DMBT1: variants seen among roughly 807,000 people sequenced by gnomAD.
DMBT1 encodes the protein deleted in malignant brain tumors 1.
DMBT1 carries 198 observed loss-of-function variants against 252.9 expected under a neutral mutation model. The observed-to-expected ratio is 0.78, with a 90% CI of 0.70 to 0.88. The LOEUF (loss-of-function observed/expected upper bound fraction) is 0.88, where lower values mean the gene tolerates loss of function less well. Among genes scored for constraint, DMBT1 ranks in the 40% least tolerant of loss-of-function variants. The pLI is 0.00. For missense variants in DMBT1, 2,432 were observed against 2,404.7 expected (o/e 1.01, Z -0.24); for synonymous variants, 990 against 942.7 (o/e 1.05, Z -0.92).
At position 122,639,718 on chromosome 10, in the gene DMBT1, A is replaced by G. The variant is rs560387687; in HGVS notation, c.6943-322A>G. On this transcript the variant is annotated intron_variant, in intron 54 of 55. Coordinates refer to ENST00000338354, the MANE Select transcript of DMBT1 (RefSeq NM_001377530.1). ...GGTTTAAGTCATACGGTTTATTGTG[A>G]CAACTGTTGGCACTGAAATATAAAG... Among the ~76,000 whole-genome samples the G allele has an allele frequency of 3.3e-5, 5 of 152,332 alleles. No individual in the cohort carries two copies. The South Asian group carries it at 8.3e-4, about 25-fold the overall frequency.
Position 122,588,810 on chromosome 10 carries a change from G to A in DMBT1, c.1784-134G>A, listed in dbSNP as rs1312924881. On this transcript the variant is annotated intron_variant, in intron 16 of 55. Transcript: ENST00000338354. ...CTACTGTGATGAAGCTGAACCTCTG[G>A]TTGCAGTCATCTTTAATCGTGACTG... 3.4e-6 allele frequency: 5 copies of A among 1,454,852 alleles called. 1 individual carries two copies. The highest frequency in any genetic ancestry group is 4.7e-6 in the Non-Finnish European group (5 of 1,066,338). 90.1% of individuals were successfully genotyped at this position (1,454,852 alleles called of 1,614,324 possible). A position where few individuals can be genotyped will look rare whatever the true frequency, so the allele number is the denominator to read the frequency against.
chr10:122,588,189 G>C (rs114503837), intron 16 of DMBT1, among the ~76,000 whole-genome samples: 8 of 148,372 alleles, frequency 5.4e-5, no homozygotes, highest in Admixed American at 4.0e-4. Context: ...ACCCCCACTA[G>C]GGCTCACTCT....
Position 122,617,254 on chromosome 10 carries a change from A to G in DMBT1, c.4885A>G (p.Thr1629Ala), listed in dbSNP as rs746807256. Residue 1629 changes from threonine (T) to alanine (A), a missense_variant, in exon 40 of 56, where the codon ACA (threonine) becomes GCA (alanine). Around this residue, in one of 3 missense-constraint regions of DMBT1, gnomAD observed 1,162 missense variants for 1,169.0 expected, o/e 0.99. Transcript: ENST00000338354. Reference sequence around the variant, plus strand: ...CACTTGGCCAACCTCTCGTGCATCAACAGCAGGTAAACAATCCTCTCACCC... The same window carrying G: ...CACTTGGCCAACCTCTCGTGCATCAGCAGCAGGTAAACAATCCTCTCACCC... Reference protein sequence around the residue: ...PDTWPTSRASTAGSESTLALR... With the variant: ...PDTWPTSRASAAGSESTLALR... 12 of 1,609,712 alleles carry G rather than the reference A, an allele frequency of 7.5e-6. No homozygotes were observed. Among genetic ancestry groups the G allele is most frequent in the Middle Eastern group, 1.7e-4 (1 of 6,046 alleles).
intron 16 of DMBT1, among the ~76,000 whole-genome samples, chr10:122,587,899 G>A (rs1260513903): frequency 6.7e-6 from 1 of 148,324 alleles, no homozygotes; most frequent in African/African-American, 2.4e-5. Flanking sequence ...CTGAGAAGAG[G>A]ATATCCCACA....
chr10:122,630,227 T>C, intron 47 of DMBT1, 61 bp from the exon 48 acceptor site: 1 of 1,544,374 alleles, frequency 6.5e-7, no homozygotes, highest in Non-Finnish European at 8.9e-7. Context: ...TGCAAACTAT[T>C]TATAAAATGG....
Position 122,589,009 on chromosome 10 carries a change from G to T in DMBT1, c.1849G>T (p.Val617Phe), listed in dbSNP as rs1369964435. Residue 617 changes from valine to phenylalanine, a missense_variant, in exon 17 of 56, where the codon GTC (valine) becomes TTC (phenylalanine). Physicochemically the swap from Val to Phe is conservative, Grantham distance 50. Around this residue, in one of 3 missense-constraint regions of DMBT1, gnomAD observed 1,264 missense variants for 1,082.2 expected, o/e 1.17. Transcript: ENST00000338354. ...TGACAGGTGTCAGGGCCGAGTGGAG[G>T]TCCTATACCGAGGCTCTTGGGGCAC... is the stretch of plus-strand genomic sequence containing the variant. ...GGDRCQGRVEVLYRGSWGTVC... is the reference protein window; with the variant it reads ...GGDRCQGRVEFLYRGSWGTVC... The T allele has an allele frequency of 6.3e-7, 1 of 1,588,676 alleles. No individual in the cohort carries two copies. The highest frequency in any genetic ancestry group is 1.2e-5 in the South Asian group (1 of 86,928).
intron 2 of DMBT1, 82 bp downstream of exon 2, chr10:122,566,078 C>A: frequency 1.4e-6 from 2 of 1,437,636 alleles, no homozygotes; most frequent in Non-Finnish European, 2.0e-6. Flanking sequence ...AGGCTGAGCA[C>A]AGCTGAGGTC....
At chr10:122,570,285 G>A (rs3740223) in intron 3 of DMBT1, 76 bp downstream of exon 3, 803,607 of 1,203,496 alleles carry the variant, frequency 0.67, 270,401 homozygotes, top group Admixed American at 0.81. Context: ...ATCCAGAAGA[G>A]ATGCAGAAGC....
In DMBT1 at chr10:122,592,477, C is replaced by T. The variant is rs760913862; in HGVS notation, c.2382C>T (p.Pro794=). Residue 794 remains proline (P), a synonymous_variant, in exon 20 of 56, where the codon CCC becomes CCT. Coordinates refer to ENST00000338354, the MANE Select transcript of DMBT1 (RefSeq NM_001377530.1). ...CCCGGTTTGGCCAGGGCTCAGGACC[C>T]ATTGTTCTGGATGATGTGCGCTGCT... The part of the protein sequence containing the change: ...GNARFGQGSG[P]IVLDDVRCSG... The T allele has an allele frequency of 6.3e-5, 100 of 1,587,970 alleles. 14 individuals carry two copies. Among genetic ancestry groups the T allele is most frequent in the Non-Finnish European group, 5.6e-5 (65 of 1,165,630 alleles).
chr10:122,628,361 C>A (rs190633405), intron 46 of DMBT1, among the ~76,000 whole-genome samples: 1 of 152,104 alleles, frequency 6.6e-6, no homozygotes, highest in East Asian at 1.9e-4. Flanking sequence ...AGTGGCCGGG[C>A]GCGGTGGCTC....
At position 122,586,142 on chromosome 10, in the gene DMBT1, C is replaced by T. The variant is rs147522772; in HGVS notation, c.1542C>T (p.Ser514=). 217 of 1,589,116 alleles carry T rather than the reference C, an allele frequency of 1.4e-4. 22 individuals carry two copies. The highest frequency in any genetic ancestry group is 1.7e-4 in the Middle Eastern group (1 of 5,984). Reference sequence around the variant, plus strand: ...GAGTGGAGGTCCTATACCGAGGCTCCTGGGGCACCGTGTGTGATGACAGCT... The same window carrying T: ...GAGTGGAGGTCCTATACCGAGGCTCTTGGGGCACCGTGTGTGATGACAGCT... ...QGRVEVLYRG[S]WGTVCDDSWD... The change falls in exon 16 of 56, where the codon TCC becomes TCT. Residue 514 remains serine, a synonymous_variant. Transcript: ENST00000338354.
intron 40 of DMBT1, among the ~76,000 whole-genome samples, chr10:122,617,529 A>C (rs962652969): frequency 2.0e-5 from 3 of 151,510 alleles, no homozygotes; most frequent in African/African-American, 7.3e-5. Flanking sequence ...AAGGCTCCCT[A>C]ATCCTGCTGG....
In DMBT1 at chr10:122,600,982, AATTT is replaced by A. The variant is rs757659074; in HGVS notation, c.3311-7_3311-4del. ...CTAATTCTGTCTTTTCCTTTGTTGC[AATTT>A]ACAGACACTTGGCCAACCTCACATG... is the stretch of plus-strand genomic sequence containing the variant. On this transcript the variant is annotated splice_region_variant and splice_polypyrimidine_tract_variant and intron_variant, in intron 27 of 55. Coordinates refer to ENST00000338354, the MANE Select transcript of DMBT1 (RefSeq NM_001377530.1). 2 of 867,200 alleles carry A rather than the reference AATTT, an allele frequency of 2.3e-6. No individual in the cohort carries two copies. Among genetic ancestry groups the A allele is most frequent in the Non-Finnish European group, 1.9e-6 (1 of 522,958 alleles). 53.7% of individuals were successfully genotyped at this position (867,200 alleles called of 1,614,324 possible).
At chr10:122,634,400 C>CTTTCT (rs1289740443) in intron 52 of DMBT1, among the ~76,000 whole-genome samples, 979 of 84,516 alleles carry the variant, frequency 0.012, 26 homozygotes, top group Middle Eastern at 0.045. Context: ...TTCTTTCTTT[C>CTTTCT]TTTTCTTTCT....
Position 122,630,954 on chromosome 10 carries a change from C to G in DMBT1, c.6026-7C>G. The G allele has an allele frequency of 6.3e-7, 1 of 1,588,562 alleles. No homozygotes were observed. The highest frequency in any genetic ancestry group is 8.6e-7 in the Non-Finnish European group (1 of 1,163,106). On this transcript the variant is annotated splice_polypyrimidine_tract_variant and splice_region_variant and intron_variant, in intron 48 of 55. Coordinates refer to ENST00000338354, the MANE Select transcript of DMBT1 (RefSeq NM_001377530.1). ...GGCCATGATCTCTCAGTTAATGTGTCTTTCAGATGCCACCTTGAGGTTGGT... is the reference window on the plus strand; with the variant it reads ...GGCCATGATCTCTCAGTTAATGTGTGTTTCAGATGCCACCTTGAGGTTGGT...
intron 49 of DMBT1, 99 bp downstream of exon 49, chr10:122,631,380 G>A: frequency 2.1e-6 from 3 of 1,459,984 alleles, no homozygotes; most frequent in Middle Eastern, 1.9e-4. Context: ...CCAGGCAGGA[G>A]CTGGTCATTG....
In DMBT1 at chr10:122,631,857, A is replaced by G; in HGVS notation, c.6349A>G (p.Asn2117Asp). 1 of 1,613,834 alleles carries G rather than the reference A, an allele frequency of 6.2e-7. No homozygotes were observed. Among genetic ancestry groups the G allele is most frequent in the Non-Finnish European group, 8.5e-7 (1 of 1,179,820 alleles). ...CTTTTTTTCTATTCCTTTTTCAGGA[A>G]ACCATCTATCGACACCTGGTAAGTC... ...REDAGVICSGNHLSTPAPFLN... is the reference protein window; with the variant it reads ...REDAGVICSGDHLSTPAPFLN... Residue 2117 changes from asparagine (N) to aspartate (D), a missense_variant and splice_region_variant, in exon 50 of 56, where the codon AAC (asparagine) becomes GAC (aspartate). Coordinates refer to ENST00000338354, the MANE Select transcript of DMBT1 (RefSeq NM_001377530.1).
intron 20 of DMBT1, 36 bp downstream of exon 20, chr10:122,592,631 C>T (rs775806378): frequency 2.5e-6 from 4 of 1,586,666 alleles, no homozygotes; most frequent in Non-Finnish European, 1.7e-6. Flanking sequence ...CTCTCCTAGA[C>T]TGGAGTTTGC....
rs189973248 is a variant in DMBT1, at chr10:122,560,796, A to G, written c.26A>G (p.Glu9Gly). The change falls in exon 1 of 56, where the codon GAA becomes GGA. Residue 9 changes from glutamate to glycine, a missense_variant. Transcript: ENST00000338354. MGISTVIL[E>G]MCLLWGQVLS... ...ATGGGGATCTCCACAGTCATCCTTG[A>G]AATGTGTCTTTTATGGGGACAAGTT... 5 of 1,574,826 alleles carry G rather than the reference A, an allele frequency of 3.2e-6. No homozygotes were observed. Among genetic ancestry groups the G allele is most frequent in the Admixed American group, 1.8e-5 (1 of 54,618 alleles).
Sources: gnomAD v4.1 joint callset for allele counts (sites outside exome capture counted in the v4.1 genomes callset) on GRCh38, gnomAD v4.1.1 for gene constraint, gnomAD v4.1.1 regional missense constraint, MANE v1.5 for transcripts, NCBI Gene and HGNC (gene_info 2026-07-23, HGNC 2026-07-21) for gene names.